Variants in STUM observed in about 807,000 individuals in gnomAD.
The protein encoded by STUM is protein stum homolog.
In STUM, 8 loss-of-function variants were observed where a neutral mutation model predicts 15.3. The observed-to-expected ratio is 0.52, with a 90% confidence interval of 0.31 to 0.94. STUM has a LOEUF of 0.94. Among genes scored for constraint, STUM ranks in the 40% least tolerant of loss-of-function variants. The pLI is 0.05. For synonymous variants in STUM, 78 were observed against 88.7 expected (o/e 0.88, Z 0.68); for missense variants, 142 against 204.9 (o/e 0.69, Z 1.87).
At position 226,607,000 on chromosome 1, in the gene STUM, G is replaced by A. The variant is rs1412442361; in HGVS notation, c.*4960G>A. On this transcript the variant is annotated 3_prime_UTR_variant, in exon 4 of 4. Transcript: ENST00000366788. ...CAGGTGAAGCTGCAAGGTGAGCAGA[G>A]GCAGGCGTGGGGACACACTCTTCAA... 1 of 152,400 alleles carries A rather than the reference G, an allele frequency of 6.6e-6. No individual in the cohort carries two copies. The highest frequency in any genetic ancestry group is 2.4e-5 in the African/African-American group (1 of 41,462). 9.4% of individuals were successfully genotyped at this position (152,400 alleles called of 1,614,324 possible).
At chr1:226,582,085 C>T (rs534571649) in intron 1 of STUM, among the ~76,000 whole-genome samples, 2 of 152,350 alleles carry the variant, frequency 1.3e-5, no homozygotes, top group South Asian at 4.1e-4. Context: ...TGTCCCCAGC[C>T]TCCTCCTGGA....
At chr1:226,601,811 C>T (rs1488017859) in intron 3 of STUM, among the ~76,000 whole-genome samples, 195 bp from the exon 4 acceptor site, 1 of 152,246 alleles carries the variant, frequency 6.6e-6, no homozygotes, top group Admixed American at 6.5e-5. Context: ...CAGTACTCCA[C>T]ATTTCCTGAT....
In STUM at chr1:226,558,890, G is replaced by A. The variant is rs540943681; in HGVS notation, c.202+9784G>A. On this transcript the variant is annotated intron_variant, in intron 1 of 3. Coordinates refer to ENST00000366788, the MANE Select transcript of STUM (RefSeq NM_001003665.4). ...TGGGGCAGGGTAGGGTAGCAGGTGTGTCTTCGGCATGGGAACTTCCCAGTG... is the reference window on the plus strand; with the variant it reads ...TGGGGCAGGGTAGGGTAGCAGGTGTATCTTCGGCATGGGAACTTCCCAGTG... Among the ~76,000 whole-genome samples, 126 of 152,298 alleles carry A rather than the reference G, an allele frequency of 8.3e-4. 1 individual carries two copies. The highest frequency in any genetic ancestry group is 2.9e-3 in the African/African-American group (122 of 41,548).
At chr1:226,562,245 G>A (rs1025472226) in intron 1 of STUM, among the ~76,000 whole-genome samples, 2 of 152,032 alleles carry the variant, frequency 1.3e-5, no homozygotes, top group African/African-American at 4.8e-5. Flanking sequence ...GAGGTGGGTG[G>A]ATCACCTGAG....
intron 1 of STUM, among the ~76,000 whole-genome samples, chr1:226,572,988 A>AG (rs1180430901): frequency 6.6e-6 from 1 of 152,164 alleles, no homozygotes. Flanking sequence ...CCCCAGAGGG[A>AG]GGTCACATGG....
At chr1:226,559,840 G>A (rs1389560229) in intron 1 of STUM, among the ~76,000 whole-genome samples, 2 of 152,314 alleles carry the variant, frequency 1.3e-5, no homozygotes, top group East Asian at 1.9e-4. Flanking sequence ...GGGCATGGTG[G>A]CGGGTGCCTG....
intron 1 of STUM, among the ~76,000 whole-genome samples, chr1:226,571,841 T>C (rs1151810): frequency 0.95 from 144,978 of 152,212 alleles, 69,043 homozygotes; most frequent in East Asian, 0.98. Flanking sequence ...GGTTTTTCCA[T>C]GTTGATTAGT....
intron 1 of STUM, among the ~76,000 whole-genome samples, chr1:226,588,530 T>A (rs1220295561): frequency 2.6e-5 from 4 of 152,254 alleles, no homozygotes; most frequent in South Asian, 2.1e-4. Flanking sequence ...TCTGGTTTAC[T>A]CAGGCCACAG....
chr1:226,578,670 C>T (rs894876726), intron 1 of STUM, among the ~76,000 whole-genome samples: 1 of 152,130 alleles, frequency 6.6e-6, no homozygotes, highest in African/African-American at 2.4e-5. Context: ...GCCCCAGTCC[C>T]TTTTTTAAAA....
chr1:226,597,276 A>C, intron 2 of STUM: 1 of 583,454 alleles, frequency 1.7e-6, no homozygotes, highest in Non-Finnish European at 3.3e-6. Context: ...TTAAAGTTAC[A>C]AAATCAAGTT....
intron 1 of STUM, among the ~76,000 whole-genome samples, chr1:226,589,130 C>T (rs978290230): frequency 2.0e-5 from 3 of 152,216 alleles, no homozygotes; most frequent in Non-Finnish European, 1.5e-5. Flanking sequence ...GCCTTTCTCC[C>T]ACTGAGTTCC....
rs1206298876 is a variant in STUM, at chr1:226,567,889, T to G, written c.202+18783T>G. On this transcript the variant is annotated intron_variant, in intron 1 of 3. Coordinates refer to ENST00000366788, the MANE Select transcript of STUM (RefSeq NM_001003665.4). The surrounding 1 kb of genome is among the most constrained non-coding windows in gnomAD (Gnocchi z 4.5). ...CTAGAAAGCTATTGTGTTGACATTA[T>G]TATTTATGTATTGTCAGAAATGCGA... is the stretch of plus-strand genomic sequence containing the variant. Among the ~76,000 whole-genome samples, 1 of 152,206 alleles carries G rather than the reference T, an allele frequency of 6.6e-6. No individual in the cohort carries two copies.
At chr1:226,587,771 C>A (rs529960381) in intron 1 of STUM, among the ~76,000 whole-genome samples, 6 of 152,280 alleles carry the variant, frequency 3.9e-5, no homozygotes, top group African/African-American at 1.4e-4. Context: ...CTTCCTCATT[C>A]TCTTCCATGA....
chr1:226,549,986 C>T lies in STUM; in HGVS notation c.202+880C>T, dbSNP rs922695574. Reference sequence around the variant, plus strand: ...CTTAACTCCACCCCCAGGTCTCTGCCTGCACGCCCCTCCCCTCCTCCAGCT... The same window carrying T: ...CTTAACTCCACCCCCAGGTCTCTGCTTGCACGCCCCTCCCCTCCTCCAGCT... On this transcript the variant is annotated intron_variant, in intron 1 of 3. Transcript: ENST00000366788. The surrounding 1 kb of genome is among the most constrained non-coding windows in gnomAD (Gnocchi z 6.8). Among the ~76,000 whole-genome samples the T allele has an allele frequency of 1.1e-4, 16 of 152,176 alleles. No homozygotes were observed. Among genetic ancestry groups the T allele is most frequent in the Non-Finnish European group, 7.3e-5 (5 of 68,032 alleles).
chr1:226,584,238 C>T (rs532986443), intron 1 of STUM, among the ~76,000 whole-genome samples: 1 of 151,394 alleles, frequency 6.6e-6, no homozygotes, highest in East Asian at 2.0e-4. Context: ...GTTGAATGGA[C>T]CATCTACACG....
rs1053123957 is a variant in STUM, at chr1:226,608,422, T to A, written c.*6382T>A. 1 of 152,138 alleles carries A rather than the reference T, an allele frequency of 6.6e-6. No homozygotes were observed. Among genetic ancestry groups the A allele is most frequent in the Non-Finnish European group, 1.5e-5 (1 of 68,008 alleles). The allele number at this position is 152,138 out of a possible 1,614,324, so 9.4% of individuals were successfully genotyped here. A position where few individuals can be genotyped will look rare whatever the true frequency, so the allele number is the denominator to read the frequency against. On this transcript the variant is annotated 3_prime_UTR_variant, in exon 4 of 4. Transcript: ENST00000366788. This position sits in a 1 kb window ranked among gnomAD's most constrained non-coding sequence, Gnocchi z 4.0. ...CCTTTTCATTGGCTGAGTTCCCTGC[T>A]GTTGTGCGTGGTGCCATTTTTTTTT...
chr1:226,602,002 A>G lies in STUM; in HGVS notation c.392-4A>G. On this transcript the variant is annotated splice_region_variant and splice_polypyrimidine_tract_variant and intron_variant, in intron 3 of 3. Transcript: ENST00000366788. ...ACCATCTCTCCTTTGCTTCTTCCTC[A>G]CAGGCTACAAGGAGCAGGGCATCCC... The G allele has an allele frequency of 6.2e-7, 1 of 1,609,802 alleles. No homozygotes were observed.
intron 1 of STUM, among the ~76,000 whole-genome samples, chr1:226,577,272 C>T (rs1239397622): frequency 6.6e-6 from 1 of 152,152 alleles, no homozygotes; most frequent in Non-Finnish European, 1.5e-5. Flanking sequence ...GGACTGCTCT[C>T]CCTTCAGGAA....
At chr1:226,554,160 AT>A (rs1667414068) in intron 1 of STUM, among the ~76,000 whole-genome samples, 1 of 152,192 alleles carries the variant, frequency 6.6e-6, no homozygotes, top group Non-Finnish European at 1.5e-5. Flanking sequence ...AAGTTCTGAC[AT>A]TGTTCTTTTC....
Sources: gnomAD v4.1 joint callset for allele counts (sites outside exome capture counted in the v4.1 genomes callset) on GRCh38, gnomAD v4.1.1 for gene constraint, Gnocchi (gnomAD v3.1) non-coding constraint, MANE v1.5 for transcripts, NCBI Gene and HGNC (gene_info 2026-07-23, HGNC 2026-07-21) for gene names.